Variants in SLC2A9 observed in about 807,000 individuals in gnomAD.
The protein encoded by SLC2A9 is solute carrier family 2, facilitated glucose transporter member 9.
A neutral mutation model predicts 50.6 loss-of-function variants in SLC2A9; 39 were observed. The ratio of observed to expected loss-of-function variants is 0.77; its 90% confidence interval spans 0.60 to 1.01. SLC2A9 has a LOEUF of 1.01. Among genes scored for constraint, SLC2A9 ranks in the 50% least tolerant of loss-of-function variants. The pLI, the probability that SLC2A9 is intolerant of heterozygous loss-of-function variation, is 0.00. For synonymous variants in SLC2A9, 324 were observed against 276.9 expected (o/e 1.17, Z -1.69); for missense variants, 686 against 677.6 (o/e 1.01, Z -0.14).
At chr4:9,842,685 G>T (rs1445442040) in intron 10 of SLC2A9, among the ~76,000 whole-genome samples, 1 of 152,098 alleles carries the variant, frequency 6.6e-6, no homozygotes, top group African/African-American at 2.4e-5. Flanking sequence ...TCTTGCACAG[G>T]GTACTCTTCA....
At chr4:9,949,114 A>G (rs1021947188) in intron 5 of SLC2A9, among the ~76,000 whole-genome samples, 1 of 152,156 alleles carries the variant, frequency 6.6e-6, no homozygotes, top group African/African-American at 2.4e-5. Flanking sequence ...TGACTTCTCT[A>G]TCTGGTACCA....
rs1379267420 is a variant in SLC2A9, at chr4:9,956,587, CA to C, written c.682-14543del. ...CTGGAGGAATTGAGAGCTTTGTTAC[CA>C]GCGGCGTTCACATAGAGGCTGGGTG... On this transcript the variant is annotated intron_variant, in intron 5 of 11. Transcript: ENST00000264784. Among the ~76,000 whole-genome samples, 4 of 152,164 alleles carry C rather than the reference CA, an allele frequency of 2.6e-5. No individual in the cohort carries two copies. The East Asian group carries it at 7.7e-4, about 29-fold the overall frequency.
At chr4:10,008,099 G>A (rs1761111490) in intron 2 of SLC2A9, among the ~76,000 whole-genome samples, 1 of 152,224 alleles carries the variant, frequency 6.6e-6, no homozygotes, top group African/African-American at 2.4e-5. Flanking sequence ...GCTATCCCCA[G>A]CTCTCTGGCT....
At chr4:9,985,645 C>T (rs370568930) in intron 4 of SLC2A9, 24 bp downstream of exon 4, 1 of 1,613,890 alleles carries the variant, frequency 6.2e-7, no homozygotes, top group Non-Finnish European at 8.5e-7. Context: ...TTACTGTTCC[C>T]TCCCCGTCAT....
At chr4:9,924,434 C>T (rs1029478506) in intron 6 of SLC2A9, among the ~76,000 whole-genome samples, 1 of 152,210 alleles carries the variant, frequency 6.6e-6, no homozygotes, top group East Asian at 1.9e-4. Context: ...CTCACAGACA[C>T]CTGAGTGAGT....
At chr4:9,845,483 G>A (rs1187660895) in intron 10 of SLC2A9, among the ~76,000 whole-genome samples, 15 of 131,710 alleles carry the variant, frequency 1.1e-4, no homozygotes, top group African/African-American at 4.6e-4. Flanking sequence ...AGGCTGGAGT[G>A]CAGTGGCGCG....
chr4:9,878,705 C>G (rs765441538), intron 10 of SLC2A9, among the ~76,000 whole-genome samples: 2 of 151,976 alleles, frequency 1.3e-5, no homozygotes, highest in Non-Finnish European at 2.9e-5. Context: ...CTGAGGGTAG[C>G]CTTGGGAACC....
At chr4:9,901,295 T>C (rs1194635763) in intron 8 of SLC2A9, among the ~76,000 whole-genome samples, 3 of 152,278 alleles carry the variant, frequency 2.0e-5, no homozygotes, top group East Asian at 3.9e-4. Flanking sequence ...TAGTTTCTTC[T>C]AGTCTGTGAC....
rs60751108 is a variant in SLC2A9 at position 9,819,116 on chromosome 4, C to CAAAA, written n.420+7300_420+7303dup. 2.5e-3 allele frequency among the ~76,000 whole-genome samples: 146 copies of CAAAA among 57,320 alleles called. 3 individuals are homozygous for CAAAA. The highest frequency in any genetic ancestry group is 4.3e-3 in the African/African-American group (81 of 18,630). The allele number at this position is 57,320 out of a possible 152,430, so 37.6% of individuals were successfully genotyped here. On this transcript the variant is annotated intron_variant and non_coding_transcript_variant, in intron 3 of 3. Transcript: ENST00000503280. ...CCTGGGCAACAGAGCGAGACTGTCT[C>CAAAA]AAAAAAAAAAAAAAAAAAAAAAAAG...
intron 9 of SLC2A9, among the ~76,000 whole-genome samples, chr4:9,888,344 A>C (rs1446574487): frequency 2.0e-5 from 3 of 151,866 alleles, no homozygotes; most frequent in Non-Finnish European, 4.4e-5. Context: ...ATTTTGCTTA[A>C]AAGAAGTTAT....
chr4:9,835,737 C>G (rs1401083685), intron 10 of SLC2A9, among the ~76,000 whole-genome samples: 2 of 152,104 alleles, frequency 1.3e-5, no homozygotes, highest in African/African-American at 4.8e-5. Context: ...AACCAAACAT[C>G]GTATGTTGTC....
At chr4:9,921,412 T>A (rs1743930781) in intron 6 of SLC2A9, among the ~76,000 whole-genome samples, 2 of 152,204 alleles carry the variant, frequency 1.3e-5, no homozygotes, top group Non-Finnish European at 2.9e-5. Flanking sequence ...TGGGGTGCAC[T>A]TTTGGACACA....
At chr4:9,910,766 T>C (rs537194940) in intron 7 of SLC2A9, among the ~76,000 whole-genome samples, 2 of 152,344 alleles carry the variant, frequency 1.3e-5, no homozygotes, top group South Asian at 2.1e-4. Context: ...GACACTGCTA[T>C]AGATGTCCCT....
chr4:9,972,265 C>T (rs1033029608), intron 5 of SLC2A9, among the ~76,000 whole-genome samples: 9 of 152,108 alleles, frequency 5.9e-5, no homozygotes, highest in African/African-American at 2.2e-4. Flanking sequence ...AAAATCGTTC[C>T]TTTACGGCCT....
Position 9,990,411 on chromosome 4 carries a change from G to A in SLC2A9, c.411-4618C>T, listed in dbSNP as rs867117800. Among the ~76,000 whole-genome samples, 6 of 152,082 alleles carry A rather than the reference G, an allele frequency of 3.9e-5. No homozygotes were observed. In the East Asian group the frequency reaches 7.7e-4, roughly 20 times the overall value. On this transcript the variant is annotated intron_variant, in intron 3 of 11. Coordinates refer to ENST00000264784, the MANE Select transcript of SLC2A9 (RefSeq NM_020041.3). ...GGCCATAAATACATATGGTTCTTACGTTGAAGGGCTCCCTTATCAGGGAAG... is the reference window on the plus strand; with the variant it reads ...GGCCATAAATACATATGGTTCTTACATTGAAGGGCTCCCTTATCAGGGAAG...
chr4:9,964,896 G>C (rs1298827260), intron 5 of SLC2A9, among the ~76,000 whole-genome samples: 1 of 152,186 alleles, frequency 6.6e-6, no homozygotes, highest in Non-Finnish European at 1.5e-5. Flanking sequence ...AAACCAGGAA[G>C]CTCAAGTCCC....
intron 11 of SLC2A9, among the ~76,000 whole-genome samples, chr4:9,833,820 G>A (rs1028890551): frequency 1.3e-5 from 2 of 152,124 alleles, no homozygotes; most frequent in South Asian, 2.1e-4. Flanking sequence ...TGTATATGAC[G>A]GATTCTCACC....
chr4:10,040,137 G>A (rs1281396975), exon 1 of SLC2A9: 4 of 152,186 alleles, frequency 2.6e-5, no homozygotes, highest in African/African-American at 9.7e-5. Flanking sequence ...CACATTTTAG[G>A]GTTTTCCTCC....
At chr4:9,998,557 AC>A (rs1759165220) in intron 2 of SLC2A9, among the ~76,000 whole-genome samples, 1 of 152,118 alleles carries the variant, frequency 6.6e-6, no homozygotes, top group African/African-American at 2.4e-5. Context: ...TAGGAGTTTG[AC>A]TTGTACAGCC....
Sources: allele counts gnomAD v4.1 joint callset (sites outside exome capture counted in the v4.1 genomes callset), GRCh38; gene constraint gnomAD v4.1.1; transcripts MANE v1.5; gene names NCBI Gene and HGNC (gene_info 2026-07-23, HGNC 2026-07-21).